The following SUPT16H variants were observed in gnomAD, a reference collection of about 807,000 sequenced individuals.
The protein encoded by SUPT16H is FACT complex subunit SPT16.
Under a neutral mutation model 136.2 loss-of-function variants are expected in SUPT16H, and 24 were observed. The ratio of observed to expected loss-of-function variants is 0.18; its 90% CI spans 0.13 to 0.25. SUPT16H has a LOEUF of 0.25. SUPT16H is among the 10% of genes least tolerant of loss of function. The pLI is 1.00. For missense variants in SUPT16H, 623 were observed against 1,270.2 expected, an observed-to-expected ratio of 0.49 and a Z score of 7.74; for synonymous variants, 415 against 428.2, an observed-to-expected ratio of 0.97 and a Z score of 0.38.
At chr14:21,370,170 A>G (rs188688050) in intron 4 of SUPT16H, among the ~76,000 whole-genome samples, 166 bp downstream of exon 4, 29 of 152,346 alleles carry the variant, frequency 1.9e-4, no homozygotes, top group Non-Finnish European at 3.2e-4. Context: ...GATAGAAGAA[A>G]GGCAGGGAAA....
At chr14:21,383,446 T>C (rs1366482047) in intron 1 of SUPT16H, 2 of 539,924 alleles carry the variant, frequency 3.7e-6, no homozygotes, top group Non-Finnish European at 6.6e-6. Context: ...ATCTCTCCTT[T>C]ACGAAGACGG....
At position 21,361,009 on chromosome 14, in the gene SUPT16H, T is replaced by A. The variant is rs570752871; in HGVS notation, c.1930-37A>T. ...GAAAATTAATGTGAATTGTCACATATCCTTACAAGTCTCCAAAAAATACAT... is the reference window on the plus strand; with the variant it reads ...GAAAATTAATGTGAATTGTCACATAACCTTACAAGTCTCCAAAAAATACAT... On this transcript the variant is annotated intron_variant, in intron 16 of 25. Transcript: ENST00000216297. 1.4e-4 allele frequency: 233 copies of A among 1,610,802 alleles called. 5 individuals carry two copies. In the South Asian group the frequency reaches 2.4e-3, roughly 16 times the overall value.
chr14:21,380,890 T>A (rs560530103), intron 1 of SUPT16H, among the ~76,000 whole-genome samples: 3 of 151,726 alleles, frequency 2.0e-5, no homozygotes, highest in African/African-American at 7.3e-5. Flanking sequence ...TATTACTTGG[T>A]TAAAAATAAT....
intron 1 of SUPT16H, chr14:21,383,503 G>C: frequency 3.2e-6 from 2 of 623,094 alleles, no homozygotes; most frequent in East Asian, 5.6e-5. Flanking sequence ...GTTCTGGAGG[G>C]ACAGAGCGAG....
chr14:21,366,611 C>A, intron 7 of SUPT16H, 82 bp from the exon 8 acceptor site: 1 of 1,317,256 alleles, frequency 7.6e-7, no homozygotes. Context: ...AATTTATGTC[C>A]CCTAAAGCAG....
chr14:21,363,183 G>A (rs1462669273), intron 12 of SUPT16H, 34 bp from the exon 13 acceptor site: 18 of 1,613,738 alleles, frequency 1.1e-5, no homozygotes, highest in Admixed American at 1.7e-5. Context: ...ATCACAACAC[G>A]TGAGCCATAT....
chr14:21,362,094 G>C lies in SUPT16H; in HGVS notation c.1793+103C>G. On this transcript the variant is annotated intron_variant, in intron 15 of 25. Transcript: ENST00000216297. Reference sequence around the variant, plus strand: ...AACAAGTACCAATGAGGAAGGCTTTGACATTTACTAGGTAGGGAAAATGTA... The same window carrying C: ...AACAAGTACCAATGAGGAAGGCTTTCACATTTACTAGGTAGGGAAAATGTA... The C allele has an allele frequency of 2.9e-6, 4 of 1,388,426 alleles. No individual in the cohort carries two copies. In the South Asian group the frequency reaches 6.0e-5, roughly 21 times the overall value. 86.0% of individuals were successfully genotyped at this position (1,388,426 alleles called of 1,614,324 possible). A position where few individuals can be genotyped will look rare whatever the true frequency, so the allele number is the denominator to read the frequency against.
At chr14:21,355,850 C>A (rs1465466238) in intron 22 of SUPT16H, among the ~76,000 whole-genome samples, 1 of 152,182 alleles carries the variant, frequency 6.6e-6, no homozygotes, top group Non-Finnish European at 1.5e-5. Context: ...AGACAATATA[C>A]ACGGCAACTT....
At chr14:21,379,953 T>A (rs1886986860) in intron 1 of SUPT16H, among the ~76,000 whole-genome samples, 1 of 152,102 alleles carries the variant, frequency 6.6e-6, no homozygotes, top group Non-Finnish European at 1.5e-5. Flanking sequence ...AAGGAGCTAT[T>A]AAGAGCTGAG....
In SUPT16H at chr14:21,363,014, T is replaced by G; in HGVS notation, c.1511+20A>C. The G allele has an allele frequency of 6.2e-7, 1 of 1,614,040 alleles. No homozygotes were observed. Among genetic ancestry groups the G allele is most frequent in the Non-Finnish European group, 8.5e-7 (1 of 1,179,986 alleles). ...CCACAGAACCCTCAGATGATCTCAC[T>G]GCTCAGTGAAAACTCTTACTTCTGA... On this transcript the variant is annotated intron_variant, in intron 13 of 25. Coordinates refer to ENST00000216297, the MANE Select transcript of SUPT16H (RefSeq NM_007192.4).
At position 21,372,205 on chromosome 14, in the gene SUPT16H, C is replaced by T. The variant is rs528297082; in HGVS notation, c.160-161G>A. On this transcript the variant is annotated intron_variant, in intron 2 of 25. Coordinates refer to ENST00000216297, the MANE Select transcript of SUPT16H (RefSeq NM_007192.4). ...GGAGTGGATACAAATTAAGCAAGATCGGCCAAGAGTCGACAATTTATTAGA... is the reference window on the plus strand; with the variant it reads ...GGAGTGGATACAAATTAAGCAAGATTGGCCAAGAGTCGACAATTTATTAGA... The T allele has an allele frequency of 2.7e-4, 196 of 718,188 alleles. 1 individual carries two copies. The highest frequency in any genetic ancestry group is 2.6e-3 in the African/African-American group (147 of 55,766). 44.5% of individuals were successfully genotyped at this position (718,188 alleles called of 1,614,324 possible). A position where few individuals can be genotyped will look rare whatever the true frequency, so the allele number is the denominator to read the frequency against.
At chr14:21,381,864 G>A (rs1455155237) in intron 1 of SUPT16H, among the ~76,000 whole-genome samples, 1 of 151,266 alleles carries the variant, frequency 6.6e-6, no homozygotes, top group Non-Finnish European at 1.5e-5. Context: ...CATGTGCTGG[G>A]TACAGGCATG....
intron 1 of SUPT16H, among the ~76,000 whole-genome samples, chr14:21,381,920 A>G (rs7161723): frequency 6.6e-6 from 1 of 151,956 alleles, no homozygotes; most frequent in Non-Finnish European, 1.5e-5. Context: ...ATTAACTTCA[A>G]CTTATTCTAT....
chr14:21,383,950 C>T lies in SUPT16H; in HGVS notation c.-23G>A, dbSNP rs1254835643. 6.2e-7 allele frequency: 1 copy of T among 1,612,304 alleles called. No homozygotes were observed. Among genetic ancestry groups the T allele is most frequent in the Non-Finnish European group, 8.5e-7 (1 of 1,180,028 alleles). ...CATAGCCCCGGACGCCGCTTCTCCT[C>T]GGGTTCCGAGAATCACGCGAGGTCC... On this transcript the variant is annotated 5_prime_UTR_variant, in exon 1 of 26. Coordinates refer to ENST00000216297, the MANE Select transcript of SUPT16H (RefSeq NM_007192.4).
In SUPT16H at chr14:21,360,978, C is replaced by T. The variant is rs376010266; in HGVS notation, c.1930-6G>A. On this transcript the variant is annotated splice_region_variant and splice_polypyrimidine_tract_variant and intron_variant, in intron 16 of 25. Coordinates refer to ENST00000216297, the MANE Select transcript of SUPT16H (RefSeq NM_007192.4). Reference sequence around the variant, plus strand: ...GAGTCTTGTTTTACAATCCCCTAAGCAAGAAGAAAATTAATGTGAATTGTC... The same window carrying T: ...GAGTCTTGTTTTACAATCCCCTAAGTAAGAAGAAAATTAATGTGAATTGTC... The T allele has an allele frequency of 1.2e-6, 2 of 1,612,208 alleles. No individual in the cohort carries two copies. The highest frequency in any genetic ancestry group is 3.4e-5 in the Admixed American group (2 of 59,622).
chr14:21,352,055 T>G lies in SUPT16H; in HGVS notation c.*618A>C, dbSNP rs1381091393. On this transcript the variant is annotated 3_prime_UTR_variant, in exon 26 of 26. Coordinates refer to ENST00000216297, the MANE Select transcript of SUPT16H (RefSeq NM_007192.4). ...CCGAGCCAGGGAGTATCACTGCTTCTTATGTCTTCCAAGGCAGCAGATATA... is the reference window on the plus strand; with the variant it reads ...CCGAGCCAGGGAGTATCACTGCTTCGTATGTCTTCCAAGGCAGCAGATATA... 3 of 154,036 alleles carry G rather than the reference T, an allele frequency of 1.9e-5. No homozygotes were observed. Among genetic ancestry groups the G allele is most frequent in the Non-Finnish European group, 4.3e-5 (3 of 69,144 alleles). The allele number at this position is 154,036 out of a possible 1,614,324, so 9.5% of individuals were successfully genotyped here.
At chr14:21,383,705 C>T (rs772008661) in intron 1 of SUPT16H, 157 bp downstream of exon 1, 1 of 808,010 alleles carries the variant, frequency 1.2e-6, no homozygotes, top group Non-Finnish European at 2.1e-6. Flanking sequence ...GGGCAGCGTT[C>T]GTGGCCGCCT....
Position 21,383,914 on chromosome 14 carries a change from A to G in SUPT16H, c.14T>C (p.Leu5Pro), listed in dbSNP as rs1355366612. The G allele has an allele frequency of 1.2e-6, 2 of 1,612,706 alleles. No homozygotes were observed. The highest frequency in any genetic ancestry group is 2.2e-5 in the East Asian group (1 of 44,880). Residue 5 changes from leucine (L) to proline (P), a missense_variant, in exon 1 of 26, where the codon CTG becomes CCG. Transcript: ENST00000216297. MAVT[L>P]DKDAYYRRVK... ...TCGCCGATAATAAGCGTCTTTGTCC[A>G]GAGTCACAGCCATAGCCCCGGACGC...
At chr14:21,374,045 T>C (rs947294365) in intron 1 of SUPT16H, among the ~76,000 whole-genome samples, 1 of 152,236 alleles carries the variant, frequency 6.6e-6, no homozygotes, top group South Asian at 2.1e-4. Flanking sequence ...ATTTTTTATA[T>C]TCCAAAATCA....
Sources: allele counts gnomAD v4.1 joint callset (sites outside exome capture counted in the v4.1 genomes callset), GRCh38; gene constraint gnomAD v4.1.1; transcripts MANE v1.5; gene names NCBI Gene and HGNC (gene_info 2026-07-23, HGNC 2026-07-21).